Variants in CNBD1 observed in about 807,000 individuals in gnomAD.
CNBD1 encodes the protein cyclic nucleotide binding domain containing 1, also known as cyclic nucleotide-binding domain-containing protein 1.
CNBD1 carries 71 observed loss-of-function variants against 54.4 expected under a neutral mutation model. The ratio of observed to expected loss-of-function variants is 1.30; its 90% CI spans 1.08 to 1.59. The LOEUF (loss-of-function observed/expected upper bound fraction) is 1.59. Ranked by LOEUF, CNBD1 falls within the 40% of genes most tolerant of loss-of-function variation. The pLI, the probability that CNBD1 is intolerant of heterozygous loss-of-function variation, is 0.00. For synonymous variants in CNBD1, 182 were observed against 170.7 expected (o/e 1.07, Z -0.51); for missense variants, 659 against 518.0 (o/e 1.27, Z -2.64).
intron 4 of CNBD1, among the ~76,000 whole-genome samples, chr8:87,180,380 A>G (rs1468146546): frequency 6.6e-6 from 1 of 152,150 alleles, no homozygotes; most frequent in Non-Finnish European, 1.5e-5. Flanking sequence ...CATTTCTGAA[A>G]GTAGTTTCAC....
intron 3 of CNBD1, among the ~76,000 whole-genome samples, chr8:86,921,480 A>G (rs570526687): frequency 3.5e-4 from 53 of 152,288 alleles, no homozygotes; most frequent in African/African-American, 1.2e-3. Context: ...TAAAGACACA[A>G]CTGAGACTTG....
intron 6 of CNBD1, among the ~76,000 whole-genome samples, chr8:87,256,828 T>C (rs1333101194): frequency 1.3e-5 from 2 of 151,276 alleles, no homozygotes; most frequent in Non-Finnish European, 1.5e-5. Flanking sequence ...CTTTGTCAGT[T>C]GTGAGATTAT....
At chr8:87,300,701 GATACACACACACA>G (rs1563543083) in intron 8 of CNBD1, among the ~76,000 whole-genome samples, 1 of 152,028 alleles carries the variant, frequency 6.6e-6, no homozygotes, top group Non-Finnish European at 1.5e-5. Flanking sequence ...ATATGTGTGT[GATACACACACACA>G]TATACACACA....
intron 4 of CNBD1, among the ~76,000 whole-genome samples, chr8:87,106,105 A>G (rs1046099971): frequency 6.6e-6 from 1 of 152,014 alleles, no homozygotes; most frequent in African/African-American, 2.4e-5. Context: ...AGTATTGGAG[A>G]TGAATATTAG....
intron 6 of CNBD1, among the ~76,000 whole-genome samples, chr8:87,245,912 TATG>T (rs1479182213): frequency 3.3e-5 from 5 of 152,052 alleles, no homozygotes; most frequent in African/African-American, 1.2e-4. Context: ...TAGCAGTATT[TATG>T]ATAAGAAAAC....
At chr8:87,191,285 A>G (rs1433129321) in intron 4 of CNBD1, among the ~76,000 whole-genome samples, 1 of 152,172 alleles carries the variant, frequency 6.6e-6, no homozygotes, top group African/African-American at 2.4e-5. Context: ...AGCATCAGGC[A>G]TGCAAAGACA....
At position 87,083,489 on chromosome 8, in the gene CNBD1, A is replaced by ACCAACT. The variant is rs1242452471; in HGVS notation, c.432-122503_432-122498dup. Among the ~76,000 whole-genome samples the ACCAACT allele has an allele frequency of 2.0e-5, 3 of 151,434 alleles. No homozygotes were observed. The South Asian group carries it at 6.3e-4, about 32-fold the overall frequency. On this transcript the variant is annotated intron_variant, in intron 4 of 10. Coordinates refer to ENST00000518476, the MANE Select transcript of CNBD1 (RefSeq NM_173538.3). ...GATCCCAGGTCTTCAGACAAACTCA[A>ACCAACT]CCAACTGTCAACCAAAAATTCTTTC... is the stretch of plus-strand genomic sequence containing the variant.
downstream of CNBD1, among the ~76,000 whole-genome samples, chr8:87,386,721 G>A (rs180718776): frequency 2.0e-3 from 299 of 152,268 alleles, 1 homozygote; most frequent in Non-Finnish European, 3.5e-3. Flanking sequence ...AATGTAGCAA[G>A]GCAGGCCAAC....
At chr8:87,094,276 G>C (rs1442687332) in intron 4 of CNBD1, among the ~76,000 whole-genome samples, 3 of 152,020 alleles carry the variant, frequency 2.0e-5, no homozygotes, top group African/African-American at 7.2e-5. Context: ...GAGGCTATTG[G>C]CATAGCTTGG....
intron 4 of CNBD1, among the ~76,000 whole-genome samples, chr8:87,078,969 CTG>C (rs1442628090): frequency 3.3e-5 from 5 of 152,090 alleles, no homozygotes; most frequent in Non-Finnish European, 4.4e-5. Context: ...TTAGACAAAA[CTG>C]TGTTACTCCC....
At chr8:86,875,658 T>G (rs1181460402) in intron 1 of CNBD1, among the ~76,000 whole-genome samples, 1 of 152,194 alleles carries the variant, frequency 6.6e-6, no homozygotes, top group East Asian at 1.9e-4. Context: ...TATCTTTATC[T>G]CGTTCCTGAA....
chr8:86,897,454 G>T (rs1049202238), intron 2 of CNBD1, among the ~76,000 whole-genome samples: 1 of 152,058 alleles, frequency 6.6e-6, no homozygotes, highest in Non-Finnish European at 1.5e-5. Context: ...AAGAGGCTCT[G>T]GGATTGTCTA....
intron 10 of CNBD1, among the ~76,000 whole-genome samples, chr8:87,371,405 G>C (rs921716652): frequency 6.6e-6 from 1 of 151,796 alleles, no homozygotes; most frequent in Non-Finnish European, 1.5e-5. Flanking sequence ...TTATTTCATT[G>C]AGCAGTGGTT....
chr8:87,172,215 T>C (rs1039949097), intron 4 of CNBD1, among the ~76,000 whole-genome samples: 2 of 152,072 alleles, frequency 1.3e-5, no homozygotes, highest in African/African-American at 4.8e-5. Flanking sequence ...TGGCTTTCTT[T>C]CATTGTGGTC....
chr8:87,078,637 G>A (rs189231779), intron 4 of CNBD1, among the ~76,000 whole-genome samples: 9 of 152,280 alleles, frequency 5.9e-5, no homozygotes, highest in Non-Finnish European at 8.8e-5. Flanking sequence ...GGAAACAGAG[G>A]ACTGAAAGGG....
intron 7 of CNBD1, among the ~76,000 whole-genome samples, chr8:87,285,553 A>C (rs1808678319): frequency 6.6e-6 from 1 of 152,046 alleles, no homozygotes; most frequent in Admixed American, 6.6e-5. Flanking sequence ...CCTGACCAAC[A>C]TGGAGAAACC....
chr8:87,337,052 C>G (rs1809957684), intron 8 of CNBD1, among the ~76,000 whole-genome samples: 1 of 152,150 alleles, frequency 6.6e-6, no homozygotes, highest in Admixed American at 6.6e-5. Flanking sequence ...GGCTGGAGAA[C>G]AGCAAAGATG....
intron 10 of CNBD1, among the ~76,000 whole-genome samples, chr8:87,373,017 A>G (rs1180697963): frequency 1.3e-5 from 2 of 151,726 alleles, no homozygotes; most frequent in Non-Finnish European, 2.9e-5. Flanking sequence ...TACTTATATG[A>G]TATTTTTTAT....
At chr8:87,243,612 G>A (rs979705999) in intron 6 of CNBD1, among the ~76,000 whole-genome samples, 7 of 151,972 alleles carry the variant, frequency 4.6e-5, no homozygotes, top group African/African-American at 1.5e-4. Flanking sequence ...TTATTCATGG[G>A]CATTTTTGAA....
Sources: gnomAD v4.1 joint callset for allele counts (sites outside exome capture counted in the v4.1 genomes callset) on GRCh38, gnomAD v4.1.1 for gene constraint, MANE v1.5 for transcripts, NCBI Gene and HGNC (gene_info 2026-07-23, HGNC 2026-07-21) for gene names.